TENM4: variants seen among roughly 807,000 people sequenced by gnomAD.
TENM4 encodes the protein teneurin-4.
A neutral mutation model predicts 243.3 loss-of-function variants in TENM4; 82 were observed. The ratio of observed to expected loss-of-function variants is 0.34; its 90% CI spans 0.28 to 0.40. The LOEUF is 0.40. TENM4 is among the 10% of genes least tolerant of loss of function. The pLI is 1.00. For missense variants in TENM4, 3,138 were observed against 3,673.3 expected, an observed-to-expected ratio of 0.85 and a Z score of 3.77; for synonymous variants, 1,412 against 1,456.3, an observed-to-expected ratio of 0.97 and a Z score of 0.69.
chr11:79,298,108 C>G (rs500964), intron 1 of TENM4, among the ~76,000 whole-genome samples: 108,301 of 151,870 alleles, frequency 0.71, 38,929 homozygotes, highest in Middle Eastern at 0.87. Context: ...TCCTTTTCAT[C>G]AGTTTCTCCA....
intron 3 of TENM4, among the ~76,000 whole-genome samples, chr11:79,161,916 A>G (rs1862754439): frequency 6.6e-6 from 1 of 152,136 alleles, no homozygotes; most frequent in Non-Finnish European, 1.5e-5. Flanking sequence ...ACAGCACAAC[A>G]TGGACACAGG....
Position 78,657,567 on chromosome 11 carries a change from A to T in TENM4, c.*491T>A, listed in dbSNP as rs1857926065. 1 of 267,462 alleles carries T rather than the reference A, an allele frequency of 3.7e-6. No individual in the cohort carries two copies. Among genetic ancestry groups the T allele is most frequent in the Non-Finnish European group, 7.0e-6 (1 of 142,070 alleles). 16.6% of individuals were successfully genotyped at this position (267,462 alleles called of 1,614,324 possible). A position where few individuals can be genotyped will look rare whatever the true frequency, so the allele number is the denominator to read the frequency against. ...CCTGCCAAGGAGCCTCAGGTCCTAC[A>T]GACCCTCCTCCCAGGCCCCCTTGGA... On this transcript the variant is annotated 3_prime_UTR_variant, in exon 34 of 34. Coordinates refer to ENST00000278550, the MANE Select transcript of TENM4 (RefSeq NM_001098816.3).
At chr11:78,684,105 G>T (rs767038472) in intron 29 of TENM4, among the ~76,000 whole-genome samples, 2 of 152,202 alleles carry the variant, frequency 1.3e-5, no homozygotes, top group Non-Finnish European at 2.9e-5. Context: ...CTCCTCAGTG[G>T]TCTTGCAGCT....
chr11:78,981,483 T>A (rs567661289), intron 6 of TENM4, among the ~76,000 whole-genome samples: 11 of 152,322 alleles, frequency 7.2e-5, no homozygotes, highest in African/African-American at 2.6e-4. Flanking sequence ...TGGTTATGTG[T>A]CTCAGTTGGA....
In TENM4 at chr11:78,692,116, C is replaced by T. The variant is rs554935189; in HGVS notation, c.5088-3890G>A. Among the ~76,000 whole-genome samples the T allele has an allele frequency of 8.5e-4, 129 of 152,312 alleles. No homozygotes were observed. The South Asian group carries it at 0.012, about 14-fold the overall frequency. On this transcript the variant is annotated intron_variant, in intron 28 of 33. Coordinates refer to ENST00000278550, the MANE Select transcript of TENM4 (RefSeq NM_001098816.3). The stretch of plus-strand genomic sequence containing the variant: ...GGCTCCAAGTGGCTGCCTCAAGTCC[C>T]GGCCCCATGATTAGGTGGCATCTGG...
chr11:79,268,819 C>T (rs998588044), intron 2 of TENM4, among the ~76,000 whole-genome samples: 7 of 152,136 alleles, frequency 4.6e-5, no homozygotes, highest in African/African-American at 7.2e-5. Context: ...TTGAAATGTC[C>T]ACCAAGCATA....
At chr11:79,228,716 G>A (rs572087993) in intron 2 of TENM4, among the ~76,000 whole-genome samples, 1 of 151,836 alleles carries the variant, frequency 6.6e-6, no homozygotes, top group African/African-American at 2.4e-5. Context: ...TTTTAAAAAA[G>A]TCTCCTGTTT....
chr11:79,309,868 C>A (rs1355949964), intron 1 of TENM4, among the ~76,000 whole-genome samples: 2 of 152,222 alleles, frequency 1.3e-5, no homozygotes, highest in African/African-American at 2.4e-5. Flanking sequence ...GTCATCCTCT[C>A]CCCATCCCAG....
chr11:79,368,795 C>T (rs1460941297), intron 1 of TENM4, among the ~76,000 whole-genome samples: 2 of 152,212 alleles, frequency 1.3e-5, no homozygotes, highest in East Asian at 1.9e-4. Flanking sequence ...TTATCACCAT[C>T]GTCATCATTG....
Position 78,989,174 on chromosome 11 carries a change from G to A in TENM4, c.493+75564C>T, listed in dbSNP as rs931062391. On this transcript the variant is annotated intron_variant, in intron 6 of 33. Transcript: ENST00000278550. The stretch of plus-strand genomic sequence containing the variant: ...CCTATTGAAGGCCAAAAACAGTTCA[G>A]CTGTGTTTGTTATCAACTCTCCTCC... Among the ~76,000 whole-genome samples the A allele has an allele frequency of 1.3e-5, 2 of 152,172 alleles. 1 individual carries two copies. The highest frequency in any genetic ancestry group is 4.1e-4 in the South Asian group (2 of 4,830).
intron 28 of TENM4, among the ~76,000 whole-genome samples, chr11:78,692,581 C>A (rs1051639225): frequency 1.3e-5 from 2 of 152,178 alleles, no homozygotes; most frequent in African/African-American, 2.4e-5. Flanking sequence ...GCAGGGACTT[C>A]ATTTGGACCC....
rs970045013 is a variant in TENM4, at chr11:79,438,404, G to A, written c.-321+2105C>T. ...CTGTCTGCAGAGGCGAGAGGCGAAG[G>A]AACGGAAGCCATACCCGACCCCAGC... On this transcript the variant is annotated intron_variant, in intron 1 of 33. Transcript: ENST00000278550. The surrounding 1 kb of genome is among the most constrained non-coding windows in gnomAD (Gnocchi z 4.1). Among the ~76,000 whole-genome samples the A allele has an allele frequency of 6.6e-6, 1 of 152,210 alleles. No individual in the cohort carries two copies. Among genetic ancestry groups the A allele is most frequent in the African/African-American group, 2.4e-5 (1 of 41,458 alleles).
At chr11:78,706,201 C>T (rs486082) in intron 27 of TENM4, among the ~76,000 whole-genome samples, 1 of 152,014 alleles carries the variant, frequency 6.6e-6, no homozygotes, top group African/African-American at 2.4e-5. Context: ...TAACAGAGCG[C>T]CTGGCCCATA....
At chr11:78,955,796 C>A (rs188809038) in intron 6 of TENM4, among the ~76,000 whole-genome samples, 14 of 152,186 alleles carry the variant, frequency 9.2e-5, no homozygotes, top group African/African-American at 3.4e-4. Flanking sequence ...CCAGAGTTTC[C>A]CAGAGGTAAT....
chr11:79,124,925 GTATATA>G (rs1390255266), intron 4 of TENM4, among the ~76,000 whole-genome samples: 4 of 144,368 alleles, frequency 2.8e-5, no homozygotes, highest in African/African-American at 2.5e-5. Flanking sequence ...GTGTGTGTAT[GTATATA>G]TATATATTTG....
chr11:78,745,971 G>A (rs1317058143), intron 19 of TENM4, among the ~76,000 whole-genome samples: 1 of 151,024 alleles, frequency 6.6e-6, no homozygotes, highest in East Asian at 1.9e-4. Flanking sequence ...TTATTTTTTT[G>A]AGACAGGGTC....
intron 1 of TENM4, among the ~76,000 whole-genome samples, chr11:79,407,551 TGC>T: frequency 1.3e-5 from 2 of 152,264 alleles, no homozygotes; most frequent in African/African-American, 4.8e-5. Flanking sequence ...AAGATCCTGC[TGC>T]TAATAAGTAG....
chr11:78,896,743 T>G (rs1297291714), intron 7 of TENM4, among the ~76,000 whole-genome samples: 1 of 152,154 alleles, frequency 6.6e-6, no homozygotes, highest in Non-Finnish European at 1.5e-5. Context: ...AAGACGGCAC[T>G]GCATAGTGGT....
At chr11:79,059,567 T>C (rs775268506) in intron 6 of TENM4, among the ~76,000 whole-genome samples, 3 of 152,258 alleles carry the variant, frequency 2.0e-5, no homozygotes, top group Admixed American at 6.5e-5. Flanking sequence ...GAAGATGGCA[T>C]GCTGTTTTTG....
Sources: gnomAD v4.1 joint callset for allele counts (sites outside exome capture counted in the v4.1 genomes callset) on GRCh38, gnomAD v4.1.1 for gene constraint, Gnocchi (gnomAD v3.1) non-coding constraint, MANE v1.5 for transcripts, NCBI Gene and HGNC (gene_info 2026-07-23, HGNC 2026-07-21) for gene names.